ANKRD17: variants seen among roughly 807,000 people sequenced by gnomAD.
ANKRD17 encodes the protein ankyrin repeat domain 17.
Under a neutral mutation model 229.7 loss-of-function variants are expected in ANKRD17, and 19 were observed. That is an observed-to-expected ratio of 0.08 (90% confidence interval 0.06 to 0.12). The LOEUF is 0.12. ANKRD17 is among the 10% of genes least tolerant of loss of function. The pLI is 1.00. For missense variants in ANKRD17, 2,176 were observed against 3,176.8 expected, an observed-to-expected ratio of 0.68 and a Z score of 7.57; for synonymous variants, 1,112 against 1,146.1, an observed-to-expected ratio of 0.97 and a Z score of 0.60.
rs1375272896 is a variant in ANKRD17, at chr4:73,220,411, C to A, written c.393+37865G>T. Reference sequence around the variant, plus strand: ...AATAGCCAAGACACTCTATTTAATCCCTTACCTTGGACTGTTGAAAAGCAA... The same window carrying A: ...AATAGCCAAGACACTCTATTTAATCACTTACCTTGGACTGTTGAAAAGCAA... On this transcript the variant is annotated intron_variant, in intron 1 of 33. Transcript: ENST00000358602. Among the ~76,000 whole-genome samples the A allele has an allele frequency of 2.6e-5, 4 of 152,020 alleles. No individual in the cohort carries two copies. The East Asian group carries it at 7.7e-4, about 29-fold the overall frequency.
rs763031433 is a variant in ANKRD17, at chr4:73,125,019, A to G, written c.3386T>C (p.Val1129Ala). 1 of 1,614,202 alleles carries G rather than the reference A, an allele frequency of 6.2e-7. No homozygotes were observed. Among genetic ancestry groups the G allele is most frequent in the Non-Finnish European group, 8.5e-7 (1 of 1,180,038 alleles). The change falls in exon 18 of 34, where the codon GTT (valine) becomes GCT (alanine). Residue 1129 changes from valine to alanine, a missense_variant. This residue lies in a region of ANKRD17 where 178 missense variants were observed against 421.7 expected (regional missense o/e 0.42). Transcript: ENST00000358602. ...GTCCAGCAATATTTCCACAACACCA[A>G]CATGACCAGCTGTGGCAGCCAAGAT... is the stretch of plus-strand genomic sequence containing the variant. Reference protein sequence around the residue: ...PLILAATAGHVGVVEILLDNG... With the variant: ...PLILAATAGHAGVVEILLDNG...
intron 18 of ANKRD17, among the ~76,000 whole-genome samples, chr4:73,123,245 AATGATTGAAAGGCAAT>A (rs1482433231): frequency 1.3e-5 from 2 of 152,080 alleles, no homozygotes; most frequent in Non-Finnish European, 2.9e-5. Flanking sequence ...CAAGCTAAAT[AATGATTGAAAGGCAAT>A]ATGATTGAAA....
At chr4:73,221,339 AG>A (rs1741825664) in intron 1 of ANKRD17, among the ~76,000 whole-genome samples, 1 of 152,184 alleles carries the variant, frequency 6.6e-6, no homozygotes, top group African/African-American at 2.4e-5. Flanking sequence ...ATAAAAAGCC[AG>A]TTGTTCAGGT....
At chr4:73,144,190 T>TCC (rs1427107631) in intron 11 of ANKRD17, among the ~76,000 whole-genome samples, 1 of 152,198 alleles carries the variant, frequency 6.6e-6, no homozygotes, top group East Asian at 1.9e-4. Context: ...AATAATATAC[T>TCC]CCCTTTTATT....
chr4:73,088,756 T>C (rs1485185854), intron 29 of ANKRD17, among the ~76,000 whole-genome samples: 1 of 152,188 alleles, frequency 6.6e-6, no homozygotes, highest in Non-Finnish European at 1.5e-5. Context: ...GTTACAGAAA[T>C]AGGTAAAAAT....
chr4:73,158,880 G>A (rs1165632596), intron 3 of ANKRD17, among the ~76,000 whole-genome samples: 1 of 152,228 alleles, frequency 6.6e-6, no homozygotes, highest in East Asian at 1.9e-4. Flanking sequence ...CTGCCAGCAA[G>A]AAGGCTCTCA....
At chr4:73,153,841 T>A in intron 6 of ANKRD17, 39 bp downstream of exon 6, 8 of 1,291,064 alleles carry the variant, frequency 6.2e-6, no homozygotes, top group Non-Finnish European at 8.3e-6. Context: ...TAATTTCACA[T>A]ATTTAAAAAC....
At chr4:73,111,544 G>T (rs1725320098) in intron 24 of ANKRD17, among the ~76,000 whole-genome samples, 1 of 151,614 alleles carries the variant, frequency 6.6e-6, no homozygotes, top group Non-Finnish European at 1.5e-5. Context: ...ACAAATAAAG[G>T]GACTACTATA....
At chr4:73,235,002 T>C (rs1478269807) in intron 1 of ANKRD17, among the ~76,000 whole-genome samples, 1 of 152,200 alleles carries the variant, frequency 6.6e-6, no homozygotes, top group Non-Finnish European at 1.5e-5. Flanking sequence ...TGGGTTCCAG[T>C]TTCCTCTGGG....
At chr4:73,220,151 T>C (rs1741654580) in intron 1 of ANKRD17, among the ~76,000 whole-genome samples, 1 of 152,204 alleles carries the variant, frequency 6.6e-6, no homozygotes, top group Admixed American at 6.5e-5. Flanking sequence ...TTGTTACACA[T>C]AATTTTACAG....
intron 16 of ANKRD17, among the ~76,000 whole-genome samples, chr4:73,127,754 T>C (rs1240486755): frequency 2.0e-5 from 3 of 152,226 alleles, no homozygotes; most frequent in African/African-American, 7.2e-5. Context: ...AGGGACTATA[T>C]ATGTAGCATT....
At chr4:73,153,745 A>C in intron 6 of ANKRD17, 135 bp downstream of exon 6, 1 of 567,686 alleles carries the variant, frequency 1.8e-6, no homozygotes, top group Admixed American at 3.9e-5. Flanking sequence ...GCAACACTGC[A>C]AACACTTATT....
chr4:73,139,929 A>G lies in ANKRD17; in HGVS notation c.2687T>C (p.Ile896Thr), dbSNP rs753158087. Reference protein sequence around the residue: ...KQYLEVKAQRIQLQQQQQQSC... With the variant: ...KQYLEVKAQRTQLQQQQQQSC... Reference sequence around the variant, plus strand: ...CTGTTGCTGCTGTTGCTGAAGTTGAATTCTTTGAGCTTTAACCTCTAGATA... The same window carrying G: ...CTGTTGCTGCTGTTGCTGAAGTTGAGTTCTTTGAGCTTTAACCTCTAGATA... The change falls in exon 15 of 34, where the codon ATT becomes ACT. Residue 896 changes from isoleucine (I) to threonine (T), a missense_variant. Physicochemically the swap from Ile to Thr is moderately conservative, Grantham distance 89. Transcript: ENST00000358602. 20 of 1,614,024 alleles carry G rather than the reference A, an allele frequency of 1.2e-5. No homozygotes were observed. Among genetic ancestry groups the G allele is most frequent in the Non-Finnish European group, 1.7e-5 (20 of 1,180,038 alleles).
At chr4:73,165,272 C>T (rs1733079509) in intron 2 of ANKRD17, among the ~76,000 whole-genome samples, 1 of 152,172 alleles carries the variant, frequency 6.6e-6, no homozygotes, top group South Asian at 2.1e-4. Flanking sequence ...CAGCTGAACA[C>T]TTGTGAGGAG....
Position 73,085,237 on chromosome 4 carries a change from T to C in ANKRD17, c.7159+12A>G. 6.2e-7 allele frequency: 1 copy of C among 1,613,098 alleles called. No homozygotes were observed. The highest frequency in any genetic ancestry group is 1.3e-5 in the African/African-American group (1 of 75,020). On this transcript the variant is annotated intron_variant, in intron 30 of 33. Transcript: ENST00000358602. ...TGCAGATTCTTATGGAATTACGGTG[T>C]ATAAAACTCACCATTTGATGCTGAT...
chr4:73,123,680 T>A (rs1727056013), intron 18 of ANKRD17, among the ~76,000 whole-genome samples: 1 of 152,108 alleles, frequency 6.6e-6, no homozygotes, highest in Admixed American at 6.6e-5. Context: ...TTATTAGATT[T>A]CCCATTCTTT....
chr4:73,136,254 C>G (rs1318182422), intron 15 of ANKRD17, among the ~76,000 whole-genome samples: 2 of 152,160 alleles, frequency 1.3e-5, no homozygotes, highest in Middle Eastern at 3.4e-3. Flanking sequence ...TTTGACTGGT[C>G]AACAGTACTG....
In ANKRD17 at chr4:73,161,177, C is replaced by CA. The variant is rs1344755466; in HGVS notation, c.704+14dup. 6.2e-7 allele frequency: 1 copy of CA among 1,607,032 alleles called. No homozygotes were observed. The highest frequency in any genetic ancestry group is 8.5e-7 in the Non-Finnish European group (1 of 1,177,724). ...GAAAATGATTTCATACTGATGGCAG[C>CA]AAAAATGTACTTACTTGTCCGACTG... On this transcript the variant is annotated intron_variant, in intron 3 of 33. Coordinates refer to ENST00000358602, the MANE Select transcript of ANKRD17 (RefSeq NM_032217.5).
intron 1 of ANKRD17, among the ~76,000 whole-genome samples, chr4:73,192,131 T>G (rs889808927): frequency 6.6e-6 from 1 of 152,110 alleles, no homozygotes; most frequent in Non-Finnish European, 1.5e-5. Context: ...CTTCATGAAC[T>G]TATTAATAGT....
Sources: gnomAD v4.1 joint callset for allele counts (sites outside exome capture counted in the v4.1 genomes callset) on GRCh38, gnomAD v4.1.1 for gene constraint, gnomAD v4.1.1 regional missense constraint, MANE v1.5 for transcripts, NCBI Gene and HGNC (gene_info 2026-07-23, HGNC 2026-07-21) for gene names.